The following CCNA1 variants were observed in gnomAD, a reference collection of about 807,000 sequenced individuals.
The protein encoded by CCNA1 is cyclin-A1.
Under a neutral mutation model 54.1 loss-of-function variants are expected in CCNA1, and 23 were observed. The observed-to-expected ratio is 0.42, with a 90% CI of 0.31 to 0.60. The LOEUF (loss-of-function observed/expected upper bound fraction) is 0.60, where lower values mean the gene tolerates loss of function less well. CCNA1 is among the 20% of genes least tolerant of loss of function. The pLI, the probability that CCNA1 is intolerant of heterozygous loss-of-function variation, is 0.14. For synonymous variants in CCNA1, 208 were observed against 213.9 expected (o/e 0.97, Z 0.24); for missense variants, 450 against 556.7 (o/e 0.81, Z 1.93).
intron 5 of CCNA1, among the ~76,000 whole-genome samples, chr13:36,439,386 G>A (rs1467759691): frequency 2.0e-5 from 3 of 152,182 alleles, no homozygotes; most frequent in Non-Finnish European, 1.5e-5. Context: ...CTGAGTGGTA[G>A]TTTCTTTTCT....
intron 2 of CCNA1, 152 bp downstream of exon 2, chr13:36,433,373 TCTTTCTTTC>T (rs1566169399): frequency 3.1e-5 from 2 of 65,360 alleles, no homozygotes; most frequent in African/African-American, 6.0e-4. Context: ...TGATTTATTT[TCTTTCTTTC>T]TTTCTTTCTT....
chr13:36,437,544 A>C, intron 2 of CCNA1, 85 bp from the exon 3 acceptor site: 1 of 1,295,456 alleles, frequency 7.7e-7, no homozygotes, highest in Non-Finnish European at 1.1e-6. Flanking sequence ...TTACCTTCCC[A>C]GGCTGTTGGT....
intron 2 of CCNA1, among the ~76,000 whole-genome samples, chr13:36,437,006 A>G (rs1320943027): frequency 6.6e-6 from 1 of 152,156 alleles, no homozygotes; most frequent in Admixed American, 6.5e-5. Flanking sequence ...AGTTGTTCCC[A>G]TTGTTCATGT....
chr13:36,433,368 T>TA (rs2055742393), intron 2 of CCNA1, 147 bp downstream of exon 2: 1 of 355,312 alleles, frequency 2.8e-6, no homozygotes, highest in Admixed American at 5.0e-5. Context: ...TTGATTGATT[T>TA]ATTTTCTTTC....
chr13:36,434,836 C>T (rs1305152555), intron 2 of CCNA1, among the ~76,000 whole-genome samples: 2 of 151,264 alleles, frequency 1.3e-5, no homozygotes, highest in African/African-American at 4.9e-5. Flanking sequence ...GCCCCCCCCC[C>T]CGCGCCATGC....
rs1157983618 is a variant in CCNA1, at chr13:36,433,431, TTTCTTTCTTTCG to T, written c.297+222_297+233del. Among the ~76,000 whole-genome samples, 97 of 94,558 alleles carry T rather than the reference TTTCTTTCTTTCG, an allele frequency of 1.0e-3. 4 individuals carry two copies. Among genetic ancestry groups the T allele is most frequent in the South Asian group, 2.5e-3 (8 of 3,206 alleles). The allele number at this position is 94,558 out of a possible 152,430, so 62.0% of individuals were successfully genotyped here. A position where few individuals can be genotyped will look rare whatever the true frequency, so the allele number is the denominator to read the frequency against. On this transcript the variant is annotated intron_variant, in intron 2 of 8. Transcript: ENST00000255465. ...CTTTCTTTCTTTCTTTCTTTCTTTC[TTTCTTTCTTTCG>T]TTCTTTCTTTCTTTCTTTTCTTTCT...
At chr13:36,434,832 C>CCCG (rs779321213) in intron 2 of CCNA1, among the ~76,000 whole-genome samples, 1 of 120,446 alleles carries the variant, frequency 8.3e-6, no homozygotes, top group African/African-American at 2.8e-5. Context: ...AGGTGCCCCC[C>CCCG]CCCCCGCGCC....
chr13:36,433,372 TTC>T (rs149716809), intron 2 of CCNA1, 151 bp downstream of exon 2: 1,098 of 79,380 alleles, frequency 0.014, 64 homozygotes, highest in African/African-American at 0.056. Flanking sequence ...TTGATTTATT[TTC>T]TTTCTTTCTT....
rs1284627521 is a variant in CCNA1 at position 36,433,435 on chromosome 13, TTTCTTTCG to T, written c.297+222_297+229del. Among the ~76,000 whole-genome samples the T allele has an allele frequency of 1.2e-3, 98 of 81,198 alleles. 3 individuals carry two copies. The highest frequency in any genetic ancestry group is 2.6e-3 in the African/African-American group (63 of 24,098). 53.3% of individuals were successfully genotyped at this position (81,198 alleles called of 152,430 possible). A position where few individuals can be genotyped will look rare whatever the true frequency, so the allele number is the denominator to read the frequency against. ...CTTTCTTTCTTTCTTTCTTTCTTTC[TTTCTTTCG>T]TTCTTTCTTTCTTTCTTTTCTTTCT... On this transcript the variant is annotated intron_variant, in intron 2 of 8. Coordinates refer to ENST00000255465, the MANE Select transcript of CCNA1 (RefSeq NM_003914.4).
At chr13:36,433,495 G>T (rs28521987) in intron 2 of CCNA1, among the ~76,000 whole-genome samples, 16 of 87,598 alleles carry the variant, frequency 1.8e-4, no homozygotes, top group South Asian at 3.7e-4. Flanking sequence ...CTTTTTCTTT[G>T]TTTCTCTTCC....
intron 4 of CCNA1, 128 bp from the exon 5 acceptor site, chr13:36,438,516 A>G (rs2055835889): frequency 1.6e-5 from 11 of 704,916 alleles, no homozygotes; most frequent in South Asian, 1.2e-4. Context: ...TTGTTATGAT[A>G]AAGATTTATT....
At chr13:36,441,063 C>T (rs1486574304) in intron 6 of CCNA1, 55 bp from the exon 7 acceptor site, 10 of 906,136 alleles carry the variant, frequency 1.1e-5, no homozygotes, top group Admixed American at 2.0e-5. Flanking sequence ...TCCAGGCTTA[C>T]TTGTGACCTT....
chr13:36,437,723 C>G lies in CCNA1; in HGVS notation c.392C>G (p.Pro131Arg), dbSNP rs755751093. The change falls in exon 3 of 9, where the codon CCC (proline) becomes CGC (arginine). Residue 131 changes from proline to arginine, a missense_variant. Coordinates refer to ENST00000255465, the MANE Select transcript of CCNA1 (RefSeq NM_003914.4). ...CCTGACTGTGGGGTCCAAGAGCCCC[C>G]CAAGCAAGGGTTTGACATCTACATG... is the stretch of plus-strand genomic sequence containing the variant. The G allele has an allele frequency of 6.2e-7, 1 of 1,614,104 alleles. No individual in the cohort carries two copies. The highest frequency in any genetic ancestry group is 8.5e-7 in the Non-Finnish European group (1 of 1,179,990).
intron 6 of CCNA1, 110 bp downstream of exon 6, chr13:36,440,293 G>A: frequency 1.0e-6 from 1 of 994,720 alleles, no homozygotes; most frequent in Non-Finnish European, 1.5e-6. Context: ...CTTCCCACAG[G>A]CCCAGAAAAA....
Position 36,442,230 on chromosome 13 carries a change from T to A in CCNA1, c.1272T>A (p.Ser424Arg). The stretch of plus-strand genomic sequence containing the variant: ...TAAGTGAAATTGTGCCTTGCCTGAG[T>A]GAGCTTCATAAAGCGTACCTTGATA... The change falls in exon 8 of 9, where the codon AGT becomes AGA. Residue 424 changes from serine (S) to arginine (R), a missense_variant. Ser to Arg is a moderately radical substitution (Grantham distance 110). This residue lies in a region of CCNA1 where 53 missense variants were observed against 50.1 expected (regional missense o/e 1.06). Transcript: ENST00000255465. 1 of 1,613,796 alleles carries A rather than the reference T, an allele frequency of 6.2e-7. No homozygotes were observed. Among genetic ancestry groups the A allele is most frequent in the Non-Finnish European group, 8.5e-7 (1 of 1,179,706 alleles).
At chr13:36,438,229 C>T (rs777961827) in intron 4 of CCNA1, 38 bp downstream of exon 4, 15 of 1,580,030 alleles carry the variant, frequency 9.5e-6, no homozygotes, top group Middle Eastern at 1.7e-4. Context: ...CTTCAGGACC[C>T]GAGCTCTTAT....
Position 36,442,324 on chromosome 13 carries a change from A to G in CCNA1, c.1346+20A>G, listed in dbSNP as rs749651050. On this transcript the variant is annotated intron_variant, in intron 8 of 8. Transcript: ENST00000255465. ...TTCAAAGTAAGTCACTGACATTTTCATATCTTAGCTCTCTATTTAAAGCTT... is the reference window on the plus strand; with the variant it reads ...TTCAAAGTAAGTCACTGACATTTTCGTATCTTAGCTCTCTATTTAAAGCTT... The G allele has an allele frequency of 7.4e-6, 12 of 1,611,960 alleles. No individual in the cohort carries two copies. The highest frequency in any genetic ancestry group is 9.3e-6 in the Non-Finnish European group (11 of 1,178,292).
chr13:36,433,708 T>G (rs72474293), intron 2 of CCNA1, among the ~76,000 whole-genome samples: 17,546 of 151,420 alleles, frequency 0.12, 1,396 homozygotes, highest in East Asian at 0.26. Flanking sequence ...GCCCGGCTAA[T>G]TTTTGTGTTT....
Position 36,432,682 on chromosome 13 carries a change from G to A in CCNA1, c.61G>A (p.Glu21Lys), listed in dbSNP as rs1376231605. 6 of 1,612,968 alleles carry A rather than the reference G, an allele frequency of 3.7e-6. No homozygotes were observed. The highest frequency in any genetic ancestry group is 5.1e-6 in the Non-Finnish European group (6 of 1,179,662). The change falls in exon 1 of 9, where the codon GAG becomes AAG. Residue 21 changes from glutamate to lysine, a missense_variant. Around this residue, in one of 6 missense-constraint regions of CCNA1, gnomAD observed 103 missense variants for 100.9 expected, o/e 1.02. Transcript: ENST00000255465. The stretch of plus-strand genomic sequence containing the variant: ...ATCTTTTATTGGGGGCTGGGGAGAA[G>A]AGTATCTCAGCTGGGAAGGACCGGG...
Sources: gnomAD v4.1 joint callset for allele counts (sites outside exome capture counted in the v4.1 genomes callset) on GRCh38, gnomAD v4.1.1 for gene constraint, gnomAD v4.1.1 regional missense constraint, MANE v1.5 for transcripts, NCBI Gene and HGNC (gene_info 2026-07-23, HGNC 2026-07-21) for gene names.